The following CACNB2 variants were observed in gnomAD, a reference collection of about 807,000 sequenced individuals.
CACNB2 encodes the protein voltage-dependent L-type calcium channel subunit beta-2.
Under a neutral mutation model 73.3 loss-of-function variants are expected in CACNB2, and 42 were observed. The observed-to-expected ratio is 0.57, with a 90% CI of 0.45 to 0.74. CACNB2 has a LOEUF of 0.74. Ranked by LOEUF, CACNB2 falls within the 30% of genes least tolerant of loss-of-function variation. CACNB2 has a pLI of 0.00. For synonymous variants in CACNB2, 348 were observed against 310.3 expected (o/e 1.12, Z -1.28); for missense variants, 940 against 853.0 (o/e 1.10, Z -1.27).
intron 2 of CACNB2, among the ~76,000 whole-genome samples, chr10:18,363,949 ATT>A (rs529275417): frequency 6.5e-5 from 9 of 139,206 alleles, no homozygotes; most frequent in Admixed American, 7.2e-5. Context: ...AGGCAGTTTA[ATT>A]TTTTTTTTTT....
chr10:18,332,352 A>G (rs901575280), intron 2 of CACNB2, among the ~76,000 whole-genome samples: 1 of 152,186 alleles, frequency 6.6e-6, no homozygotes, highest in Middle Eastern at 3.4e-3. Context: ...AGCTGGGAGG[A>G]TAGGGGAGCA....
At chr10:18,478,168 T>C (rs1044954145) in intron 3 of CACNB2, among the ~76,000 whole-genome samples, 4 of 152,076 alleles carry the variant, frequency 2.6e-5, no homozygotes, top group East Asian at 1.9e-4. Flanking sequence ...CTGACCTAAG[T>C]TGATCCTCCC....
At chr10:18,350,729 A>T (rs1428196748) in intron 2 of CACNB2, among the ~76,000 whole-genome samples, 1 of 152,176 alleles carries the variant, frequency 6.6e-6, no homozygotes, top group Non-Finnish European at 1.5e-5. Context: ...AGTTCATGAA[A>T]ATCACCCCAT....
At chr10:18,426,698 A>T (rs1434201912) in intron 3 of CACNB2, among the ~76,000 whole-genome samples, 1 of 152,166 alleles carries the variant, frequency 6.6e-6, no homozygotes, top group Non-Finnish European at 1.5e-5. Context: ...ATAAATTAAA[A>T]AATAAAATTC....
chr10:18,211,175 G>A (rs2035302005), intron 2 of CACNB2, among the ~76,000 whole-genome samples: 1 of 152,164 alleles, frequency 6.6e-6, no homozygotes, highest in Non-Finnish European at 1.5e-5. Flanking sequence ...AGCAGTAGAG[G>A]GTGAGAGAAA....
At chr10:18,537,370 A>G (rs2053704920) in intron 12 of CACNB2, among the ~76,000 whole-genome samples, 1 of 152,196 alleles carries the variant, frequency 6.6e-6, no homozygotes, top group Non-Finnish European at 1.5e-5. Context: ...AATAAACACT[A>G]AAAAATCTTT....
In CACNB2 at chr10:18,282,301, G is replaced by C. The variant is rs192746098; in HGVS notation, c.214-119623G>C. 2.9e-4 allele frequency among the ~76,000 whole-genome samples: 44 copies of C among 152,296 alleles called. No individual in the cohort carries two copies. The East Asian group carries it at 8.3e-3, about 29-fold the overall frequency. ...CACAGAGGACACTGCAGCTGTGGCT[G>C]GGTTCAGAGGTGGATTGACAGAATG... On this transcript the variant is annotated intron_variant, in intron 2 of 13. Transcript: ENST00000324631.
intron 2 of CACNB2, among the ~76,000 whole-genome samples, chr10:18,191,447 T>C (rs567816829): frequency 6.6e-6 from 1 of 152,302 alleles, no homozygotes; most frequent in South Asian, 2.1e-4. Flanking sequence ...TTTTCTTTCT[T>C]ATTTTTTTCC....
At chr10:18,320,383 AC>A (rs1564433508) in intron 2 of CACNB2, among the ~76,000 whole-genome samples, 1 of 152,204 alleles carries the variant, frequency 6.6e-6, no homozygotes, top group Non-Finnish European at 1.5e-5. Context: ...TAAGTACGAA[AC>A]AAATTTTTTT....
At chr10:18,386,265 G>A (rs750705451) in intron 2 of CACNB2, among the ~76,000 whole-genome samples, 11 of 151,912 alleles carry the variant, frequency 7.2e-5, no homozygotes, top group African/African-American at 1.9e-4. Flanking sequence ...TTTCTAGTGG[G>A]TTGTTGGTGT....
At chr10:18,216,740 A>T (rs575110761) in intron 2 of CACNB2, among the ~76,000 whole-genome samples, 3 of 152,192 alleles carry the variant, frequency 2.0e-5, no homozygotes, top group South Asian at 4.1e-4. Context: ...GCTTTTAAAA[A>T]ATCCATTATG....
intron 2 of CACNB2, among the ~76,000 whole-genome samples, chr10:18,165,912 G>A (rs1312540061): frequency 6.6e-6 from 1 of 152,136 alleles, no homozygotes; most frequent in East Asian, 1.9e-4. Flanking sequence ...CATTTCTATG[G>A]TTTGAAGAGT....
intron 2 of CACNB2, among the ~76,000 whole-genome samples, chr10:18,368,609 A>G (rs1307572153): frequency 6.6e-6 from 1 of 152,204 alleles, no homozygotes. Flanking sequence ...ATTCCTGAAA[A>G]TGAGTTCCAG....
intron 2 of CACNB2, among the ~76,000 whole-genome samples, chr10:18,287,912 A>G (rs141712020): frequency 1.8e-4 from 27 of 152,318 alleles, no homozygotes; most frequent in Non-Finnish European, 3.7e-4. Context: ...TGATGATTGT[A>G]GGGGAGGATT....
intron 9 of CACNB2, 101 bp from the exon 10 acceptor site, chr10:18,527,487 C>T (rs2052593838): frequency 2.6e-6 from 2 of 779,486 alleles, no homozygotes; most frequent in African/African-American, 1.7e-5. Context: ...AATATGGTTG[C>T]TATATATATT....
intron 2 of CACNB2, among the ~76,000 whole-genome samples, chr10:18,217,281 C>T (rs543318570): frequency 2.0e-5 from 3 of 152,148 alleles, no homozygotes; most frequent in East Asian, 1.9e-4. Context: ...GTCAGGAGTT[C>T]GAGACCAGTC....
chr10:18,167,587 A>G (rs1416971520), intron 2 of CACNB2, among the ~76,000 whole-genome samples: 1 of 152,160 alleles, frequency 6.6e-6, no homozygotes, highest in African/African-American at 2.4e-5. Context: ...AAATGCTCGC[A>G]TCGACTGTGA....
chr10:18,316,203 A>G (rs1342079356), intron 2 of CACNB2, among the ~76,000 whole-genome samples: 1 of 152,172 alleles, frequency 6.6e-6, no homozygotes, highest in Non-Finnish European at 1.5e-5. Flanking sequence ...TAGGTACTTG[A>G]AACATCTATT....
intron 2 of CACNB2, among the ~76,000 whole-genome samples, chr10:18,168,046 G>T (rs2032978028): frequency 6.6e-6 from 1 of 151,496 alleles, no homozygotes; most frequent in South Asian, 2.1e-4. Context: ...TAATCATGCA[G>T]ACATTCTATA....
Sources: allele counts gnomAD v4.1 joint callset (sites outside exome capture counted in the v4.1 genomes callset), GRCh38; gene constraint gnomAD v4.1.1; transcripts MANE v1.5; gene names NCBI Gene and HGNC (gene_info 2026-07-23, HGNC 2026-07-21).